Variants in HMCN1 observed in about 807,000 individuals in gnomAD.
HMCN1 encodes hemicentin 1.
In HMCN1, 321 loss-of-function variants were observed where a neutral mutation model predicts 625.9. The observed-to-expected ratio is 0.51, with a 90% CI of 0.47 to 0.56. The LOEUF is 0.56. Among genes scored for constraint, HMCN1 ranks in the 20% least tolerant of loss-of-function variants. The pLI, the probability that HMCN1 is intolerant of heterozygous loss-of-function variation, is 0.00. For missense variants in HMCN1, 6,588 were observed against 6,887.3 expected (o/e 0.96, Z 1.54); for synonymous variants, 2,425 against 2,417.6 (o/e 1.00, Z -0.09).
At position 186,034,191 on chromosome 1, in the gene HMCN1, C is replaced by G. The variant is rs191670734; in HGVS notation, c.5750-3743C>G. 2.2e-3 allele frequency among the ~76,000 whole-genome samples: 341 copies of G among 152,204 alleles called. 4 individuals are homozygous for G. The highest frequency in any genetic ancestry group is 1.1e-3 in the Non-Finnish European group (72 of 68,004). ...CCTCACATGCCCTGCCCGTTGCTGGCTTTGAAGATGGAGGAAATGGCCTCT... is the reference window on the plus strand; with the variant it reads ...CCTCACATGCCCTGCCCGTTGCTGGGTTTGAAGATGGAGGAAATGGCCTCT... On this transcript the variant is annotated intron_variant, in intron 36 of 106. Transcript: ENST00000271588.
chr1:185,901,814 A>T (rs1355523607), intron 4 of HMCN1, among the ~76,000 whole-genome samples: 1 of 151,824 alleles, frequency 6.6e-6, no homozygotes, highest in Non-Finnish European at 1.5e-5. Flanking sequence ...CCTAAACCTA[A>T]AAACCAGATC....
intron 100 of HMCN1, among the ~76,000 whole-genome samples, chr1:186,169,525 A>G (rs1273525494): frequency 1.3e-5 from 2 of 152,204 alleles, no homozygotes; most frequent in Non-Finnish European, 2.9e-5. Flanking sequence ...GAGGCCTCAG[A>G]AATAACACCA....
Position 185,864,598 on chromosome 1 carries a change from G to A in HMCN1, c.468G>A (p.Val156=). Residue 156 remains valine, a synonymous_variant, in exon 3 of 107, where the codon GTG becomes GTA. Transcript: ENST00000271588. ...RSKDYRLTHE[V]LQLIQQKQSQ... The stretch of plus-strand genomic sequence containing the variant: ...AAGATTACCGGCTCACCCATGAGGT[G>A]CTGCAACTTATCCAACAGAAACAGT... The A allele has an allele frequency of 6.2e-7, 1 of 1,614,036 alleles. No homozygotes were observed. Among genetic ancestry groups the A allele is most frequent in the Non-Finnish European group, 8.5e-7 (1 of 1,179,982 alleles).
chr1:186,057,211 G>A, intron 45 of HMCN1, 23 bp from the exon 46 acceptor site: 2 of 1,598,116 alleles, frequency 1.3e-6, no homozygotes, highest in Non-Finnish European at 1.7e-6. Context: ...TCCATTCCCT[G>A]TTTGTTTTAT....
At chr1:186,085,452 T>C (rs137948057) in intron 57 of HMCN1, among the ~76,000 whole-genome samples, 285 of 152,208 alleles carry the variant, frequency 1.9e-3, no homozygotes, top group African/African-American at 6.6e-3. Context: ...AGTTCTCTGG[T>C]GGCTCTTGTT....
At chr1:186,008,152 G>C (rs1653763375) in intron 30 of HMCN1, among the ~76,000 whole-genome samples, 1 of 152,114 alleles carries the variant, frequency 6.6e-6, no homozygotes, top group East Asian at 1.9e-4. Flanking sequence ...ATTTAAACTT[G>C]ATAAGAGTAG....
chr1:186,016,734 A>G (rs1654393864), intron 32 of HMCN1, among the ~76,000 whole-genome samples: 1 of 152,054 alleles, frequency 6.6e-6, no homozygotes. Context: ...CATCAGTGGC[A>G]CCATAGTACT....
At chr1:186,060,009 T>G (rs1203928344) in intron 46 of HMCN1, among the ~76,000 whole-genome samples, 1 of 152,060 alleles carries the variant, frequency 6.6e-6, no homozygotes, top group Non-Finnish European at 1.5e-5. Flanking sequence ...AGTGAGTGCT[T>G]GAATCCTTCC....
At chr1:185,781,640 C>A in intron 1 of HMCN1, among the ~76,000 whole-genome samples, 1 of 152,204 alleles carries the variant, frequency 6.6e-6, no homozygotes, top group Non-Finnish European at 1.5e-5. Context: ...TGTTCAGTTT[C>A]CATGTAGTTG....
chr1:185,921,725 A>T (rs1364849363), intron 6 of HMCN1, among the ~76,000 whole-genome samples: 1 of 152,210 alleles, frequency 6.6e-6, no homozygotes, highest in African/African-American at 2.4e-5. Flanking sequence ...TCTATGTAAT[A>T]AAATAATGGT....
chr1:185,923,488 A>G lies in HMCN1; in HGVS notation c.1120A>G (p.Thr374Ala), dbSNP rs1571564401. 1 of 1,611,068 alleles carries G rather than the reference A, an allele frequency of 6.2e-7. No individual in the cohort carries two copies. The highest frequency in any genetic ancestry group is 1.7e-5 in the Admixed American group (1 of 60,012). ...GAGTATCTCAGGAAGTTCTCTTAAG[A>G]CTATTCCTGTTAAATATTACCCACA... is the stretch of plus-strand genomic sequence containing the variant. Reference protein sequence around the residue: ...LLSISGSSLKTIPVKYYPHRK... With the variant: ...LLSISGSSLKAIPVKYYPHRK... The change falls in exon 8 of 107, where the codon ACT (threonine) becomes GCT (alanine). Residue 374 changes from threonine (T) to alanine (A), a missense_variant. This residue lies in a region of HMCN1 where 4,628 missense variants were observed against 4,853.1 expected (regional missense o/e 0.95). Transcript: ENST00000271588.
chr1:186,161,019 G>T (rs866290662), intron 97 of HMCN1, among the ~76,000 whole-genome samples: 12 of 152,160 alleles, frequency 7.9e-5, no homozygotes, highest in African/African-American at 2.9e-4. Context: ...TTTACAGGGG[G>T]TGTTAAAGTC....
At chr1:185,838,806 C>G (rs1661319490) in intron 1 of HMCN1, among the ~76,000 whole-genome samples, 1 of 152,144 alleles carries the variant, frequency 6.6e-6, no homozygotes, top group African/African-American at 2.4e-5. Flanking sequence ...AGATTCCTTT[C>G]TTTAAGTGTA....
chr1:185,946,848 G>A (rs1264859081), intron 11 of HMCN1, among the ~76,000 whole-genome samples: 1 of 152,178 alleles, frequency 6.6e-6, no homozygotes, highest in African/African-American at 2.4e-5. Context: ...CCTTTGCCAT[G>A]TATATATACA....
intron 1 of HMCN1, among the ~76,000 whole-genome samples, chr1:185,743,982 G>GTTTTGTTTTT (rs1654181655): frequency 1.1e-5 from 1 of 88,140 alleles, no homozygotes; most frequent in African/African-American, 4.0e-5. Context: ...TTACTGTTTT[G>GTTTTGTTTTT]TTTTTTTTTT....
chr1:185,795,768 G>A (rs1658329551), intron 1 of HMCN1, among the ~76,000 whole-genome samples: 1 of 152,202 alleles, frequency 6.6e-6, no homozygotes, highest in African/African-American at 2.4e-5. Flanking sequence ...CTTCCTCTTA[G>A]TGGATTTTAA....
chr1:185,933,228 T>G (rs1211353748), intron 10 of HMCN1, among the ~76,000 whole-genome samples: 3 of 152,190 alleles, frequency 2.0e-5, no homozygotes, highest in African/African-American at 7.2e-5. Flanking sequence ...TGCTTTCATC[T>G]ATAAAAACTT....
chr1:185,809,691 T>G (rs1157052147), intron 1 of HMCN1, among the ~76,000 whole-genome samples: 1 of 152,000 alleles, frequency 6.6e-6, no homozygotes, highest in African/African-American at 2.4e-5. Context: ...TATGATATAG[T>G]ATGATATAAC....
intron 11 of HMCN1, among the ~76,000 whole-genome samples, chr1:185,948,399 TG>T (rs1359829315): frequency 4.1e-5 from 6 of 147,710 alleles, no homozygotes; most frequent in African/African-American, 1.5e-4. Context: ...GAGATAGGGG[TG>T]GGGCCGTTTT....
Sources: allele counts gnomAD v4.1 joint callset (sites outside exome capture counted in the v4.1 genomes callset), GRCh38; gene constraint gnomAD v4.1.1; regional missense constraint gnomAD v4.1.1; transcripts MANE v1.5; gene names NCBI Gene and HGNC (gene_info 2026-07-23, HGNC 2026-07-21).